Variants in FHL1 observed in about 807,000 individuals in gnomAD.
FHL1 encodes the protein four and a half LIM domains protein 1.
FHL1 carries 1 observed loss-of-function variant against 20.3 expected under a neutral mutation model. The ratio of observed to expected loss-of-function variants is 0.05; its 90% CI spans 0.02 to 0.23. FHL1 has a LOEUF of 0.23. Ranked by LOEUF, FHL1 falls within the 10% of genes least tolerant of loss-of-function variation. The pLI, the probability that FHL1 is intolerant of heterozygous loss-of-function variation, is 1.00. For synonymous variants in FHL1, 82 were observed against 88.9 expected, an observed-to-expected ratio of 0.92 and a Z score of 0.44; for missense variants, 177 against 234.0, an observed-to-expected ratio of 0.76 and a Z score of 1.59.
At chrX:136,168,490 T>A (rs2072773171), upstream of FHL1, among the ~76,000 whole-genome samples, 1 of 111,980 alleles carries the variant, frequency 8.9e-6, no homozygotes, top group African/African-American at 3.2e-5. Flanking sequence ...ATGAAGATAC[T>A]GTCTCTACTT....
rs897708820 is a variant in FHL1, at chrX:136,159,375, C to T, written c.-100-10532C>T. On this transcript the variant is annotated intron_variant, in intron 1 of 7. Transcript: ENST00000394155. ...TGGCCAACATGATGAAACCCTGTCT[C>T]TACTGAAAATACAAAAATTAGCCGG... is the stretch of plus-strand genomic sequence containing the variant. Among the ~76,000 whole-genome samples the T allele has an allele frequency of 7.3e-5, 8 of 110,218 alleles. No individual in the cohort carries two copies. The Admixed American group carries it at 7.8e-4, about 11-fold the overall frequency.
Position 136,210,281 on chromosome X carries a change from G to C in FHL1, c.*256G>C, listed in dbSNP as rs1163673301. The C allele has an allele frequency of 2.1e-6, 1 of 473,300 alleles. No individual in the cohort carries two copies. The highest frequency in any genetic ancestry group is 2.7e-5 in the Admixed American group (1 of 36,585). The allele number at this position is 473,300 out of a possible 1,213,427, so 39.0% of individuals were successfully genotyped here. A position where few individuals can be genotyped will look rare whatever the true frequency, so the allele number is the denominator to read the frequency against. On this transcript the variant is annotated 3_prime_UTR_variant, in exon 6 of 6. Transcript: ENST00000370683. The stretch of plus-strand genomic sequence containing the variant: ...TTAAAAATGAAAACTTAGGTAGATT[G>C]ACTCTTCTGCATGTTTCTCATAGAG...
chrX:136,179,438 G>A (rs1408360258), intron 2 of FHL1, among the ~76,000 whole-genome samples: 1 of 111,704 alleles, frequency 9.0e-6, no homozygotes, highest in Non-Finnish European at 1.9e-5. Context: ...TGGTCCTCTC[G>A]TGGGTGTTTT....
chrX:136,157,274 C>T (rs1336261580), intron 1 of FHL1, among the ~76,000 whole-genome samples: 1 of 111,013 alleles, frequency 9.0e-6, no homozygotes, highest in Non-Finnish European at 1.9e-5. Context: ...GTTTTCAAAC[C>T]CTAGACCCAA....
At chrX:136,200,029 A>T (rs1255788101) in intron 1 of FHL1, among the ~76,000 whole-genome samples, 1 of 112,494 alleles carries the variant, frequency 8.9e-6, no homozygotes, top group Non-Finnish European at 1.9e-5. Flanking sequence ...GAAAGCCAAA[A>T]CTTTTAATTA....
intron 1 of FHL1, among the ~76,000 whole-genome samples, chrX:136,205,819 C>T (rs746256386): frequency 3.6e-5 from 4 of 111,487 alleles, no homozygotes; most frequent in Admixed American, 2.8e-4. Context: ...TAAAAAGAGA[C>T]GGAGGAAGAG....
At chrX:136,171,775 A>G (rs1285284908) in intron 2 of FHL1, among the ~76,000 whole-genome samples, 2 of 112,592 alleles carry the variant, frequency 1.8e-5, no homozygotes, top group African/African-American at 6.4e-5. Flanking sequence ...TACATTGACC[A>G]AAACTTGGTA....
chrX:136,169,963 C>T, exon 2 of FHL1: 2 of 330,826 alleles, frequency 6.0e-6, no homozygotes, highest in South Asian at 2.6e-5. Context: ...ATCCTATCTG[C>T]CACACATCCA....
At chrX:136,182,573 C>T (rs2073182203) in intron 2 of FHL1, 1 of 112,034 alleles carries the variant, frequency 8.9e-6, no homozygotes, top group Admixed American at 9.5e-5. Context: ...TGCAAACACA[C>T]TCTCTTGGCC....
At chrX:136,180,204 C>T (rs748886877) in intron 2 of FHL1, among the ~76,000 whole-genome samples, 7 of 112,040 alleles carry the variant, frequency 6.2e-5, no homozygotes, top group East Asian at 2.8e-4. Context: ...ACATACATAT[C>T]GCTGTCCCTT....
upstream of FHL1, among the ~76,000 whole-genome samples, chrX:136,147,197 G>T (rs2072116243): frequency 9.2e-6 from 1 of 109,249 alleles, no homozygotes; most frequent in African/African-American, 3.3e-5. Context: ...GATCCGAGCC[G>T]GTCCTCGGGA....
chrX:136,181,585 G>A (rs775197918), intron 2 of FHL1, among the ~76,000 whole-genome samples: 2 of 112,260 alleles, frequency 1.8e-5, no homozygotes, highest in Non-Finnish European at 3.8e-5. Context: ...TCTTTCATTT[G>A]GAGGCTGTGG....
upstream of FHL1, chrX:136,196,870 A>T (rs1313466283): frequency 2.6e-5 from 30 of 1,163,436 alleles, no homozygotes; most frequent in Middle Eastern, 2.5e-4. Flanking sequence ...GCAGGTATTT[A>T]TATGTAGCGT....
In FHL1 at chrX:136,207,149, A is replaced by C; in HGVS notation, c.338A>C (p.Asp113Ala). Residue 113 changes from aspartate (D) to alanine (A), a missense_variant, in exon 3 of 6, where the codon GAC becomes GCC. Transcript: ENST00000370683. ...TGCAACAAGTGCACCACTCGGGAGG[A>C]CTCCCCCAAGTGCAAGGGGTGCTTC... ...ILCNKCTTRE[D>A]SPKCKGCFKA... is the part of the protein sequence containing the mutation. 8.3e-7 allele frequency: 1 copy of C among 1,208,632 alleles called. No individual in the cohort carries two copies. The highest frequency in any genetic ancestry group is 1.1e-6 in the Non-Finnish European group (1 of 893,566).
rs2073888526 is a variant in FHL1 at position 136,207,879 on chromosome X, G to A, written c.467G>A (p.Ser156Asn). Residue 156 changes from serine (S) to asparagine (N), a missense_variant, in exon 4 of 6, where the codon AGC becomes AAC. Ser to Asn is a conservative substitution (Grantham distance 46). Coordinates refer to ENST00000370683, the MANE Select transcript of FHL1 (RefSeq NM_001159699.2). ...SNCKQVIGTG[S>N]FFPKGEDFYC... Reference sequence around the variant, plus strand: ...TGCAAGCAAGTCATCGGGACTGGAAGCTTCTTCCCTAAAGGGGAGGACTTC... The same window carrying A: ...TGCAAGCAAGTCATCGGGACTGGAAACTTCTTCCCTAAAGGGGAGGACTTC... 1.6e-6 allele frequency: 2 copies of A among 1,212,340 alleles called. No homozygotes were observed. Among genetic ancestry groups the A allele is most frequent in the South Asian group, 1.8e-5 (1 of 57,043 alleles).
rs776249397 is a variant in FHL1, at chrX:136,206,553, G to A, written c.169G>A (p.Val57Met). The change falls in exon 2 of 6, where the codon GTG (valine) becomes ATG (methionine). Residue 57 changes from valine (V) to methionine (M), a missense_variant. Physicochemically the swap from Val to Met is conservative, Grantham distance 21. Transcript: ENST00000370683. ...TGACAAGTTCTGTGCCAACACCTGT[G>A]TGGAATGCCGCAAGCCCATCGGTGC... ...CFDKFCANTCVECRKPIGADS... is the reference protein window; with the variant it reads ...CFDKFCANTCMECRKPIGADS... 3.3e-6 allele frequency: 4 copies of A among 1,212,626 alleles called. No individual in the cohort carries two copies. In the South Asian group the frequency reaches 7.0e-5, roughly 21 times the overall value.
At chrX:136,151,289 C>T (rs931251947) in intron 1 of FHL1, among the ~76,000 whole-genome samples, 5 of 50,022 alleles carry the variant, frequency 1.0e-4, no homozygotes, top group Admixed American at 6.2e-4. Context: ...CCTGAAATGT[C>T]GATATGCCGA....
At position 136,207,916 on chromosome X, in the gene FHL1, T is replaced by A; in HGVS notation, c.504T>A (p.Thr168=). The A allele has an allele frequency of 8.2e-7, 1 of 1,212,426 alleles. No homozygotes were observed. Among genetic ancestry groups the A allele is most frequent in the Non-Finnish European group, 1.1e-6 (1 of 895,654 alleles). The part of the protein sequence containing the change: ...FPKGEDFYCV[T]CHETKFAKHC... ...AAGGGGAGGACTTCTACTGCGTGACTTGCCATGAGACCAAGTTTGCCAAGC... is the reference window on the plus strand; with the variant it reads ...AAGGGGAGGACTTCTACTGCGTGACATGCCATGAGACCAAGTTTGCCAAGC... The change falls in exon 4 of 6, where the codon ACT becomes ACA. Residue 168 remains threonine, a synonymous_variant. Transcript: ENST00000370683.
chrX:136,190,709 C>T (rs1171918102), intron 2 of FHL1, among the ~76,000 whole-genome samples: 1 of 111,521 alleles, frequency 9.0e-6, no homozygotes, highest in Non-Finnish European at 1.9e-5. Flanking sequence ...CCCCCTTTAC[C>T]ATACATAGCA....
Sources: gnomAD v4.1 joint callset for allele counts (sites outside exome capture counted in the v4.1 genomes callset) on GRCh38, gnomAD v4.1.1 for gene constraint, MANE v1.5 for transcripts, NCBI Gene and HGNC (gene_info 2026-07-23, HGNC 2026-07-21) for gene names.